CLNK: variants seen among roughly 807,000 people sequenced by gnomAD.
CLNK encodes the protein cytokine dependent hematopoietic cell linker, also known as cytokine-dependent hematopoietic cell linker.
In CLNK, 74 loss-of-function variants were observed where a neutral mutation model predicts 68.6. The ratio of observed to expected loss-of-function variants is 1.08; its 90% CI spans 0.89 to 1.31. The LOEUF (loss-of-function observed/expected upper bound fraction) is 1.31. Among genes scored for constraint, CLNK ranks in the 50% most tolerant of loss-of-function variants. The pLI, the probability that CLNK is intolerant of heterozygous loss-of-function variation, is 0.00. For synonymous variants in CLNK, 198 were observed against 172.2 expected, an observed-to-expected ratio of 1.15 and a Z score of -1.17; for missense variants, 553 against 515.3, an observed-to-expected ratio of 1.07 and a Z score of -0.71.
At chr4:10,640,762 C>T (rs908904526) in intron 2 of CLNK, among the ~76,000 whole-genome samples, 14 of 152,304 alleles carry the variant, frequency 9.2e-5, no homozygotes, top group Admixed American at 4.6e-4. Context: ...TCCCAAGCAC[C>T]GCAGGCTTCT....
At chr4:10,493,103 G>A (rs561686048) in intron 18 of CLNK, among the ~76,000 whole-genome samples, 1 of 152,316 alleles carries the variant, frequency 6.6e-6, no homozygotes, top group African/African-American at 2.4e-5. Flanking sequence ...GAACACTTAA[G>A]GTCAGGAGTT....
intron 2 of CLNK, 154 bp from the exon 3 acceptor site, chr4:10,598,203 G>A: frequency 3.3e-6 from 2 of 604,314 alleles, no homozygotes; most frequent in Admixed American, 3.1e-5. Context: ...ATTACCACTA[G>A]GGTTAAAGAA....
rs954534646 is a variant in CLNK, at chr4:10,610,814, A to G, written c.12-12765T>C. ...CACACACACACACACACACACACAC[A>G]CACACGTATGAATCCTCAAAATAAA... On this transcript the variant is annotated intron_variant, in intron 2 of 18. Transcript: ENST00000226951. Among the ~76,000 whole-genome samples, 252 of 133,268 alleles carry G rather than the reference A, an allele frequency of 1.9e-3. 1 individual carries two copies. The highest frequency in any genetic ancestry group is 6.6e-3 in the African/African-American group (239 of 36,400). 87.4% of individuals were successfully genotyped at this position (133,268 alleles called of 152,430 possible). A position where few individuals can be genotyped will look rare whatever the true frequency, so the allele number is the denominator to read the frequency against.
At chr4:10,676,159 T>A (rs1724866039) in intron 1 of CLNK, among the ~76,000 whole-genome samples, 1 of 152,028 alleles carries the variant, frequency 6.6e-6, no homozygotes, top group Non-Finnish European at 1.5e-5. Flanking sequence ...ACAGATGATA[T>A]TAATTTGGTT....
chr4:10,729,703 G>T, the CLNK span, among the ~76,000 whole-genome samples: 4 of 152,296 alleles, frequency 2.6e-5, no homozygotes, highest in Admixed American at 2.6e-4. Flanking sequence ...GTCATGGTTT[G>T]CTCTTGATGT....
At chr4:10,502,370 C>T (rs1370240294) in intron 17 of CLNK, among the ~76,000 whole-genome samples, 2 of 152,016 alleles carry the variant, frequency 1.3e-5, no homozygotes, top group African/African-American at 2.4e-5. Context: ...TGAGAACTCA[C>T]TCACTAGAAC....
chr4:10,621,786 T>C (rs762484159), intron 2 of CLNK, among the ~76,000 whole-genome samples: 1 of 152,166 alleles, frequency 6.6e-6, no homozygotes, highest in South Asian at 2.1e-4. Flanking sequence ...TTGTGTGCTG[T>C]GGAATATTTT....
At chr4:10,642,932 G>A (rs1723366268) in intron 2 of CLNK, among the ~76,000 whole-genome samples, 1 of 152,112 alleles carries the variant, frequency 6.6e-6, no homozygotes, top group East Asian at 1.9e-4. Flanking sequence ...TATCTTAGTT[G>A]GTATTTGGTA....
intron 2 of CLNK, among the ~76,000 whole-genome samples, chr4:10,614,260 G>A (rs1310562516): frequency 2.6e-5 from 4 of 152,196 alleles, no homozygotes; most frequent in African/African-American, 7.2e-5. Flanking sequence ...TAACTAGCAC[G>A]TTGATGAGTG....
intron 11 of CLNK, among the ~76,000 whole-genome samples, chr4:10,535,018 T>C (rs1002878306): frequency 6.6e-6 from 1 of 152,016 alleles, no homozygotes; most frequent in African/African-American, 2.4e-5. Flanking sequence ...GCGACAGAGA[T>C]TGTTTGAATT....
chr4:10,563,343 A>G (rs941683663), intron 7 of CLNK, among the ~76,000 whole-genome samples: 1 of 152,256 alleles, frequency 6.6e-6, no homozygotes, highest in Non-Finnish European at 1.5e-5. Flanking sequence ...ATTCCTATAC[A>G]GAGTTTCTGG....
intron 14 of CLNK, among the ~76,000 whole-genome samples, chr4:10,521,469 T>C (rs2041217): frequency 0.99 from 150,822 of 152,350 alleles, 74,681 homozygotes; most frequent in East Asian, 1. Flanking sequence ...TTGTGGTCAG[T>C]ATCATCAACA....
intron 8 of CLNK, among the ~76,000 whole-genome samples, chr4:10,557,696 G>T (rs753787011): frequency 6.6e-6 from 1 of 152,136 alleles, no homozygotes; most frequent in African/African-American, 2.4e-5. Context: ...TCCCTCTTGG[G>T]ACTCTAACTG....
At position 10,622,784 on chromosome 4, in the gene CLNK, C is replaced by T. The variant is rs114718847; in HGVS notation, c.12-24735G>A. Among the ~76,000 whole-genome samples the T allele has an allele frequency of 9.1e-3, 1,381 of 152,250 alleles. 22 individuals are homozygous for T. The highest frequency in any genetic ancestry group is 0.032 in the African/African-American group (1,325 of 41,540). On this transcript the variant is annotated intron_variant, in intron 2 of 18. Transcript: ENST00000226951. ...TGGACTGGGTGGTTTGAATAATAAA[C>T]ATTTATTTCTCACAGTTCTGGTGGC...
the CLNK span, among the ~76,000 whole-genome samples, chr4:10,693,599 T>C: frequency 6.6e-6 from 1 of 152,170 alleles, no homozygotes; most frequent in East Asian, 1.9e-4. Flanking sequence ...GACTCTGGCC[T>C]CCAGAACCCT....
the CLNK span, among the ~76,000 whole-genome samples, chr4:10,718,237 G>C: frequency 2.0e-5 from 3 of 151,966 alleles, no homozygotes; most frequent in Admixed American, 2.0e-4. Flanking sequence ...AGAGGGAAGG[G>C]TTGAAAGAAA....
the CLNK span, among the ~76,000 whole-genome samples, chr4:10,716,677 G>C: frequency 1.8e-5 from 2 of 112,814 alleles, no homozygotes; most frequent in East Asian, 6.5e-4. Context: ...AGGCTGGCAA[G>C]ACAGAAAACT....
At chr4:10,575,918 TTA>T (rs1356706197) in intron 4 of CLNK, among the ~76,000 whole-genome samples, 2 of 152,264 alleles carry the variant, frequency 1.3e-5, no homozygotes, top group Non-Finnish European at 2.9e-5. Flanking sequence ...GACTTTTTTT[TTA>T]TGTTTCTCCA....
chr4:10,555,706 A>G (rs2108816853), intron 8 of CLNK, among the ~76,000 whole-genome samples: 1 of 152,364 alleles, frequency 6.6e-6, no homozygotes, highest in East Asian at 1.9e-4. Context: ...TTACTGAACC[A>G]ACCAATATGT....
Sources: gnomAD v4.1 joint callset for allele counts (sites outside exome capture counted in the v4.1 genomes callset) on GRCh38, gnomAD v4.1.1 for gene constraint, MANE v1.5 for transcripts, NCBI Gene and HGNC (gene_info 2026-07-23, HGNC 2026-07-21) for gene names.